The following ZCCHC4 variants were observed in gnomAD, a reference collection of about 807,000 sequenced individuals.
The protein encoded by ZCCHC4 is zinc finger CCHC-type containing 4, also known as rRNA N(6)-adenosine-methyltransferase ZCCHC4.
ZCCHC4 carries 54 observed loss-of-function variants against 67.7 expected under a neutral mutation model. That is an observed-to-expected ratio of 0.80 (90% CI 0.64 to 1.00). The LOEUF is 1.00. ZCCHC4 is among the 50% of genes least tolerant of loss of function. The pLI, the probability that ZCCHC4 is intolerant of heterozygous loss-of-function variation, is 0.00. For synonymous variants in ZCCHC4, 198 were observed against 213.5 expected (o/e 0.93, Z 0.63); for missense variants, 609 against 617.0 (o/e 0.99, Z 0.14).
chr4:25,333,556 A>G, intron 4 of ZCCHC4, 98 bp downstream of exon 4: 1 of 1,318,054 alleles, frequency 7.6e-7, no homozygotes, highest in South Asian at 1.4e-5. Context: ...AAGGTATAGC[A>G]TGAAGCTTTG....
intron 5 of ZCCHC4, among the ~76,000 whole-genome samples, chr4:25,336,748 A>G (rs988365967): frequency 4.6e-5 from 7 of 152,134 alleles, no homozygotes; most frequent in African/African-American, 1.7e-4. Flanking sequence ...CGGCCTCCCA[A>G]ATTGCTGGAA....
chr4:25,352,402 C>A (rs562129524), intron 8 of ZCCHC4: 3 of 985,226 alleles, frequency 3.0e-6, no homozygotes, highest in East Asian at 2.3e-4. Flanking sequence ...GGTCTTCAGG[C>A]AGGTACTGCT....
At position 25,345,535 on chromosome 4, in the gene ZCCHC4, A is replaced by G. The variant is rs1386756565; in HGVS notation, c.687-13A>G. ...GCTGTGACTGGGCAAATAACTCTGT[A>G]ATTATTTTACAGGTATTCACAGTTT... On this transcript the variant is annotated splice_polypyrimidine_tract_variant and intron_variant, in intron 5 of 12. Coordinates refer to ENST00000302874, the MANE Select transcript of ZCCHC4 (RefSeq NM_024936.3). 1 of 1,392,408 alleles carries G rather than the reference A, an allele frequency of 7.2e-7. No individual in the cohort carries two copies. 86.3% of individuals were successfully genotyped at this position (1,392,408 alleles called of 1,614,324 possible). A position where few individuals can be genotyped will look rare whatever the true frequency, so the allele number is the denominator to read the frequency against.
intron 3 of ZCCHC4, among the ~76,000 whole-genome samples, chr4:25,325,305 CT>C (rs55917871): frequency 7.7e-4 from 94 of 122,496 alleles, no homozygotes; most frequent in Middle Eastern, 4.9e-3. Context: ...TTCACTCTCT[CT>C]TTTTTTTTTT....
intron 12 of ZCCHC4, among the ~76,000 whole-genome samples, chr4:25,368,593 T>C (rs929695275): frequency 1.3e-5 from 2 of 152,190 alleles, no homozygotes; most frequent in Non-Finnish European, 2.9e-5. Context: ...CTCGGTTTTT[T>C]CCATTGTGCT....
At chr4:25,322,427 A>G (rs1004525066) in intron 3 of ZCCHC4, among the ~76,000 whole-genome samples, 2 of 152,216 alleles carry the variant, frequency 1.3e-5, no homozygotes, top group Non-Finnish European at 2.9e-5. Context: ...TATAAACAGA[A>G]TCATACAATA....
In ZCCHC4 at chr4:25,362,265, T is replaced by A; in HGVS notation, c.1173T>A (p.Asn391Lys). 1 of 1,611,614 alleles carries A rather than the reference T, an allele frequency of 6.2e-7. No homozygotes were observed. Among genetic ancestry groups the A allele is most frequent in the Non-Finnish European group, 8.5e-7 (1 of 1,178,554 alleles). Residue 391 changes from asparagine (N) to lysine (K), a missense_variant, in exon 10 of 13, where the codon AAT (asparagine) becomes AAA (lysine). Asn to Lys is a moderately conservative substitution (Grantham distance 94). Transcript: ENST00000302874. ...GTCAACGGTATGTTTCTCTAGAGAA[T>A]CAACACTGTGAGCTCTGTAATTCTT... ...SPCQRYVSLE[N>K]QHCELCNSCT...
At chr4:25,343,225 G>A (rs1395646820) in intron 5 of ZCCHC4, among the ~76,000 whole-genome samples, 1 of 151,984 alleles carries the variant, frequency 6.6e-6, no homozygotes, top group Admixed American at 6.6e-5. Context: ...ATTAGGTTAC[G>A]GTATATAGTT....
At chr4:25,334,850 T>TC (rs1483644684) in intron 5 of ZCCHC4, among the ~76,000 whole-genome samples, 1 of 151,976 alleles carries the variant, frequency 6.6e-6, no homozygotes, top group Non-Finnish European at 1.5e-5. Context: ...TTTTTTTTTT[T>TC]CCTCTTAGAC....
At chr4:25,337,632 T>C (rs937972306) in intron 5 of ZCCHC4, among the ~76,000 whole-genome samples, 2 of 152,140 alleles carry the variant, frequency 1.3e-5, no homozygotes, top group Non-Finnish European at 2.9e-5. Context: ...GGTGTTCGAC[T>C]TAAAGAGTAG....
chr4:25,369,009 T>C lies in ZCCHC4; in HGVS notation c.1407-20T>C, dbSNP rs767697045. 1 of 1,601,010 alleles carries C rather than the reference T, an allele frequency of 6.2e-7. No individual in the cohort carries two copies. The highest frequency in any genetic ancestry group is 2.2e-5 in the East Asian group (1 of 44,786). ...TCACTGTGCTCATTCTGTGAAATAA[T>C]TTAGCACCTTGTTTTCCAGAGCTGT... On this transcript the variant is annotated intron_variant, in intron 12 of 12. Coordinates refer to ENST00000302874, the MANE Select transcript of ZCCHC4 (RefSeq NM_024936.3).
intron 8 of ZCCHC4, among the ~76,000 whole-genome samples, chr4:25,358,791 C>G (rs917096792): frequency 1.3e-5 from 2 of 152,188 alleles, no homozygotes; most frequent in Non-Finnish European, 2.9e-5. Context: ...TGGCTTGGAG[C>G]CACTATTGTC....
chr4:25,333,658 C>G (rs1349080061), intron 4 of ZCCHC4, among the ~76,000 whole-genome samples, 200 bp downstream of exon 4: 1 of 152,212 alleles, frequency 6.6e-6, no homozygotes, highest in Non-Finnish European at 1.5e-5. Flanking sequence ...CTTTCTGATG[C>G]ATGAGAGAAG....
intron 5 of ZCCHC4, among the ~76,000 whole-genome samples, chr4:25,337,401 G>A (rs375765637): frequency 5.1e-4 from 78 of 152,282 alleles, no homozygotes; most frequent in Middle Eastern, 6.8e-3. Context: ...TGCCAGGGAC[G>A]TTGGTGGCAG....
At chr4:25,327,840 C>T (rs1055578028) in intron 3 of ZCCHC4, among the ~76,000 whole-genome samples, 1 of 152,014 alleles carries the variant, frequency 6.6e-6, no homozygotes, top group African/African-American at 2.4e-5. Flanking sequence ...TGGGGGGCAC[C>T]TAATGAAATT....
At position 25,344,379 on chromosome 4, in the gene ZCCHC4, G is replaced by T. The variant is rs375541196; in HGVS notation, c.687-1169G>T. Among the ~76,000 whole-genome samples the T allele has an allele frequency of 1.7e-4, 25 of 146,768 alleles. No individual in the cohort carries two copies. In the East Asian group the frequency reaches 4.9e-3, roughly 29 times the overall value. Reference sequence around the variant, plus strand: ...TCGCAAGGACAAAAAACCAAACACCGCATGTTCTCACTCATAGGTGGGAAT... The same window carrying T: ...TCGCAAGGACAAAAAACCAAACACCTCATGTTCTCACTCATAGGTGGGAAT... On this transcript the variant is annotated intron_variant, in intron 5 of 12. Transcript: ENST00000302874.
rs201849641 is a variant in ZCCHC4 at position 25,312,838 on chromosome 4, C to T, written c.29C>T (p.Ala10Val). ...GCGGCCTCCAGGAATGGGTTTGAAGCCGTGGAGGCAGAGGGCAGCGCAGGG... is the reference window on the plus strand; with the variant it reads ...GCGGCCTCCAGGAATGGGTTTGAAGTCGTGGAGGCAGAGGGCAGCGCAGGG... Reference protein sequence around the residue: MAASRNGFEAVEAEGSAGCR... With the variant: MAASRNGFEVVEAEGSAGCR... The change falls in exon 1 of 13, where the codon GCC becomes GTC. Residue 10 changes from alanine (A) to valine (V), a missense_variant. Coordinates refer to ENST00000302874, the MANE Select transcript of ZCCHC4 (RefSeq NM_024936.3). 6.2e-7 allele frequency: 1 copy of T among 1,613,100 alleles called. No homozygotes were observed. Among genetic ancestry groups the T allele is most frequent in the African/African-American group, 1.3e-5 (1 of 74,886 alleles).
At chr4:25,320,058 T>C (rs1413252151) in intron 3 of ZCCHC4, among the ~76,000 whole-genome samples, 1 of 152,184 alleles carries the variant, frequency 6.6e-6, no homozygotes, top group African/African-American at 2.4e-5. Flanking sequence ...TTGGTAGCGC[T>C]GCACAGATTT....
At chr4:25,353,217 A>G (rs1337780812) in intron 8 of ZCCHC4, among the ~76,000 whole-genome samples, 2 of 150,798 alleles carry the variant, frequency 1.3e-5, no homozygotes, top group Non-Finnish European at 3.0e-5. Context: ...TTATGCATAT[A>G]ATTTTTTCAT....
Sources: gnomAD v4.1 joint callset for allele counts (sites outside exome capture counted in the v4.1 genomes callset) on GRCh38, gnomAD v4.1.1 for gene constraint, MANE v1.5 for transcripts, NCBI Gene and HGNC (gene_info 2026-07-23, HGNC 2026-07-21) for gene names.